Variants in NEDD4L observed in about 807,000 individuals in gnomAD.
The protein encoded by NEDD4L is E3 ubiquitin-protein ligase NEDD4-like.
NEDD4L carries 54 observed loss-of-function variants against 148.9 expected under a neutral mutation model. The observed-to-expected ratio is 0.36, with a 90% CI of 0.29 to 0.45. The LOEUF (loss-of-function observed/expected upper bound fraction) is 0.45, where lower values mean the gene tolerates loss of function less well. NEDD4L is among the 20% of genes least tolerant of loss of function. NEDD4L has a pLI of 1.00. For synonymous variants in NEDD4L, 433 were observed against 440.7 expected (o/e 0.98, Z 0.22); for missense variants, 856 against 1,233.8 (o/e 0.69, Z 4.59).
At chr18:58,393,592 A>G (rs540881399) in intron 30 of NEDD4L, among the ~76,000 whole-genome samples, 1 of 152,232 alleles carries the variant, frequency 6.6e-6, no homozygotes, top group Non-Finnish European at 1.5e-5. Context: ...GAGGACTGGC[A>G]GTTGCAAGCA....
At chr18:58,345,586 C>G (rs1020300678) in intron 16 of NEDD4L, among the ~76,000 whole-genome samples, 1 of 152,068 alleles carries the variant, frequency 6.6e-6, no homozygotes, top group South Asian at 2.1e-4. Context: ...AACCAGAAGC[C>G]TGAAAAGTAT....
At chr18:58,263,677 T>TTTC (rs1555775943) in intron 5 of NEDD4L, among the ~76,000 whole-genome samples, 13 of 145,110 alleles carry the variant, frequency 9.0e-5, no homozygotes, top group East Asian at 3.9e-4. Flanking sequence ...TTTTTTTTTT[T>TTTC]TCTCTCTCTC....
At chr18:58,073,815 A>G (rs1041629654) in intron 1 of NEDD4L, among the ~76,000 whole-genome samples, 3 of 152,172 alleles carry the variant, frequency 2.0e-5, no homozygotes, top group Non-Finnish European at 2.9e-5. Flanking sequence ...ATTAAAATCA[A>G]TGAATTATAC....
intron 1 of NEDD4L, among the ~76,000 whole-genome samples, chr18:58,120,562 G>A (rs1203961575): frequency 6.6e-6 from 1 of 151,952 alleles, no homozygotes; most frequent in Non-Finnish European, 1.5e-5. Flanking sequence ...GGCGGATCAC[G>A]AGGTCAGGAG....
chr18:58,094,225 C>T lies in NEDD4L; in HGVS notation c.48+49517C>T, dbSNP rs577991446. 9.9e-5 allele frequency among the ~76,000 whole-genome samples: 15 copies of T among 151,510 alleles called. No individual in the cohort carries two copies. The East Asian group carries it at 2.9e-3, about 29-fold the overall frequency. ...TTTGAGATAGGGTCTCCATCTGTTG[C>T]CCAGGCTGGAGTGTGGTGGCGCGAT... On this transcript the variant is annotated intron_variant, in intron 1 of 30. Transcript: ENST00000400345.
intron 15 of NEDD4L, 51 bp downstream of exon 15, chr18:58,341,848 T>G: frequency 6.3e-7 from 1 of 1,580,038 alleles, no homozygotes; most frequent in Non-Finnish European, 8.6e-7. Context: ...GTGACTCCCA[T>G]TCTTTCTTCT....
chr18:58,287,084 A>T (rs546167499), intron 5 of NEDD4L, among the ~76,000 whole-genome samples: 8 of 150,296 alleles, frequency 5.3e-5, no homozygotes, highest in Non-Finnish European at 7.4e-5. Flanking sequence ...GTTTTAAAGC[A>T]CTTCTTTTTC....
At chr18:58,233,934 C>G (rs1449114451) in intron 2 of NEDD4L, among the ~76,000 whole-genome samples, 1 of 122,012 alleles carries the variant, frequency 8.2e-6, no homozygotes, top group Non-Finnish European at 1.7e-5. Flanking sequence ...ATCTTCACAT[C>G]GTCTTTCCTC....
chr18:58,154,301 C>T (rs976116484), intron 1 of NEDD4L, among the ~76,000 whole-genome samples: 1 of 152,066 alleles, frequency 6.6e-6, no homozygotes, highest in Non-Finnish European at 1.5e-5. Flanking sequence ...GGGTAAAATT[C>T]GATTTCAAAG....
At chr18:58,316,255 G>T (rs887058378) in intron 6 of NEDD4L, among the ~76,000 whole-genome samples, 5 of 152,100 alleles carry the variant, frequency 3.3e-5, no homozygotes, top group African/African-American at 1.2e-4. Flanking sequence ...GTGCGCTTGC[G>T]TTCCCATCCA....
At chr18:58,262,875 T>C (rs2049631684) in intron 5 of NEDD4L, among the ~76,000 whole-genome samples, 1 of 152,192 alleles carries the variant, frequency 6.6e-6, no homozygotes, top group Non-Finnish European at 1.5e-5. Flanking sequence ...ACGGGCACTT[T>C]CCTGGTCTCT....
At chr18:58,164,793 CTT>C (rs1229293362) in intron 1 of NEDD4L, among the ~76,000 whole-genome samples, 1 of 152,200 alleles carries the variant, frequency 6.6e-6, no homozygotes, top group Non-Finnish European at 1.5e-5. Context: ...TATTCTTACT[CTT>C]AGGCTAGGTT....
intron 5 of NEDD4L, chr18:58,255,413 C>A: frequency 2.1e-6 from 2 of 932,754 alleles, no homozygotes; most frequent in Non-Finnish European, 2.8e-6. Flanking sequence ...GGCCACCCTA[C>A]CCTCTGTCAC....
intron 5 of NEDD4L, among the ~76,000 whole-genome samples, chr18:58,255,139 T>C (rs2048356839): frequency 6.6e-6 from 1 of 152,208 alleles, no homozygotes; most frequent in African/African-American, 2.4e-5. Context: ...AGAGTCTCAG[T>C]GCTGTGCTCC....
At chr18:58,067,336 C>T (rs2082650284) in intron 1 of NEDD4L, among the ~76,000 whole-genome samples, 1 of 152,166 alleles carries the variant, frequency 6.6e-6, no homozygotes, top group Admixed American at 6.5e-5. Context: ...CCATAGTGAT[C>T]TCAGGCTTTG....
rs144004818 is a variant in NEDD4L, at chr18:58,243,269, G to A, written c.123-2158G>A. Among the ~76,000 whole-genome samples, 25 of 152,330 alleles carry A rather than the reference G, an allele frequency of 1.6e-4. 1 individual carries two copies. The highest frequency in any genetic ancestry group is 1.0e-3 in the Admixed American group (16 of 15,298). On this transcript the variant is annotated intron_variant, in intron 2 of 30. Transcript: ENST00000400345. ...ATTCTGTATGTGCGTGTGTGTGCAC[G>A]TGTGTTCTGCATGCATCTCCACGGC...
intron 1 of NEDD4L, among the ~76,000 whole-genome samples, chr18:58,102,198 C>T (rs1392602049): frequency 6.6e-6 from 1 of 152,110 alleles, no homozygotes; most frequent in Non-Finnish European, 1.5e-5. Context: ...CATTTGAATA[C>T]ATTTCCATTG....
intron 30 of NEDD4L, 72 bp from the exon 31 acceptor site, chr18:58,396,095 C>A: frequency 9.9e-7 from 1 of 1,008,850 alleles, no homozygotes; most frequent in Non-Finnish European, 1.5e-6. Flanking sequence ...TTACTCAAAC[C>A]TCATGCCCTA....
chr18:58,278,539 C>G (rs1013323964), intron 5 of NEDD4L, among the ~76,000 whole-genome samples: 1 of 152,206 alleles, frequency 6.6e-6, no homozygotes, highest in African/African-American at 2.4e-5. Flanking sequence ...CCCATACGGT[C>G]CTCCATTACC....
Sources: gnomAD v4.1 joint callset for allele counts (sites outside exome capture counted in the v4.1 genomes callset) on GRCh38, gnomAD v4.1.1 for gene constraint, MANE v1.5 for transcripts, NCBI Gene and HGNC (gene_info 2026-07-23, HGNC 2026-07-21) for gene names.